Variants in TXNDC16 observed in about 807,000 individuals in gnomAD.
TXNDC16 encodes the protein thioredoxin domain-containing protein 16.
In TXNDC16, 74 loss-of-function variants were observed where a neutral mutation model predicts 85.6. The ratio of observed to expected loss-of-function variants is 0.86; its 90% CI spans 0.72 to 1.05. The LOEUF is 1.05. Ranked by LOEUF, TXNDC16 falls within the 50% of genes least tolerant of loss-of-function variation. The pLI, the probability that TXNDC16 is intolerant of heterozygous loss-of-function variation, is 0.00. For synonymous variants in TXNDC16, 335 were observed against 326.5 expected (o/e 1.03, Z -0.28); for missense variants, 959 against 947.0 (o/e 1.01, Z -0.17).
chr14:52,460,798 G>C (rs2035635333), intron 16 of TXNDC16, among the ~76,000 whole-genome samples: 1 of 152,100 alleles, frequency 6.6e-6, no homozygotes, highest in African/African-American at 2.4e-5. Flanking sequence ...TTTTTTGAGA[G>C]TTTATTCAAA....
chr14:52,488,392 T>TC lies in TXNDC16; in HGVS notation c.1078dup (p.Glu360GlyfsTer4). 6.2e-7 allele frequency: 1 copy of TC among 1,613,840 alleles called. No homozygotes were observed. Among genetic ancestry groups the TC allele is most frequent in the African/African-American group, 1.3e-5 (1 of 75,032 alleles). The stretch of plus-strand genomic sequence containing the variant: ...ATCTGGACCTTCCATGTCATTGTCT[T>TC]CATCTTCTTGTATTTCCTCAATGTG... On this transcript the variant is annotated frameshift_variant, in exon 12 of 21. Transcript: ENST00000281741. LOFTEE classifies it high-confidence loss of function.
At chr14:52,505,457 T>G (rs1004452338) in intron 9 of TXNDC16, among the ~76,000 whole-genome samples, 61 of 152,322 alleles carry the variant, frequency 4.0e-4, no homozygotes, top group African/African-American at 1.3e-3. Flanking sequence ...AACCTGCTGC[T>G]GAAGGAATAC....
chr14:52,507,860 A>G (rs2036850642), intron 9 of TXNDC16, among the ~76,000 whole-genome samples: 1 of 152,240 alleles, frequency 6.6e-6, no homozygotes, highest in African/African-American at 2.4e-5. Context: ...CTGGCTAGCC[A>G]TATGTAGAAA....
chr14:52,449,202 A>T (rs2035351654), intron 18 of TXNDC16, among the ~76,000 whole-genome samples: 2 of 152,046 alleles, frequency 1.3e-5, no homozygotes, highest in African/African-American at 4.8e-5. Flanking sequence ...GCCTAAAAGA[A>T]ACACACTTCA....
In TXNDC16 at chr14:52,543,694, T is replaced by A. The variant is rs1444494784; in HGVS notation, c.-73-64A>T. On this transcript the variant is annotated intron_variant, in intron 2 of 20. Transcript: ENST00000281741. ...GAATTTGTTAAATGAATGAATGAAG[T>A]AAAATCTACAAAAAGAAAGTCATTA... 5 of 968,430 alleles carry A rather than the reference T, an allele frequency of 5.2e-6. No homozygotes were observed. In the African/African-American group the frequency reaches 6.8e-5, roughly 13 times the overall value. 60.0% of individuals were successfully genotyped at this position (968,430 alleles called of 1,614,324 possible).
chr14:52,546,789 C>A (rs1000570130), intron 1 of TXNDC16, among the ~76,000 whole-genome samples: 1 of 152,178 alleles, frequency 6.6e-6, no homozygotes, highest in Non-Finnish European at 1.5e-5. Context: ...AGTGAGATGC[C>A]ACCTTAACGA....
chr14:52,455,414 G>A lies in TXNDC16; in HGVS notation c.1752C>T (p.His584=). The part of the protein sequence containing the change: ...ASLPALLLAR[H]TEGKIESIPL... The stretch of plus-strand genomic sequence containing the variant: ...GGATGCTCTCTATTTTGCCTTCTGT[G>A]TGTCTGGCAAGCAGCAGGGCTGGAA... Residue 584 remains histidine, a synonymous_variant, in exon 18 of 21, where the codon CAC becomes CAT. Transcript: ENST00000281741. The A allele has an allele frequency of 1.9e-6, 3 of 1,613,988 alleles. No individual in the cohort carries two copies. Among genetic ancestry groups the A allele is most frequent in the South Asian group, 1.1e-5 (1 of 91,068 alleles).
At position 52,488,484 on chromosome 14, in the gene TXNDC16, T is replaced by G. The variant is rs1297591086; in HGVS notation, c.987A>C (p.Gly329=). 1.9e-6 allele frequency: 3 copies of G among 1,583,162 alleles called. No individual in the cohort carries two copies. The highest frequency in any genetic ancestry group is 2.6e-6 in the Non-Finnish European group (3 of 1,159,658). The part of the protein sequence containing the change: ...ANVVFKRAEE[G]VPVEFLVLHD... ...GTAATACCAAAAATTCCACTGGAACTCCCTAGAAATACATTAATTTTTAAA... is the reference window on the plus strand; with the variant it reads ...GTAATACCAAAAATTCCACTGGAACGCCCTAGAAATACATTAATTTTTAAA... Residue 329 remains glycine, a splice_region_variant and synonymous_variant, in exon 12 of 21, where the codon GGA becomes GGC. Coordinates refer to ENST00000281741, the MANE Select transcript of TXNDC16 (RefSeq NM_020784.3).
At position 52,482,849 on chromosome 14, in the gene TXNDC16, C is replaced by A; in HGVS notation, c.1225G>T (p.Asp409Tyr). 4 of 1,611,844 alleles carry A rather than the reference C, an allele frequency of 2.5e-6. No homozygotes were observed. The highest frequency in any genetic ancestry group is 3.3e-4 in the Middle Eastern group (2 of 6,052). Residue 409 changes from aspartate to tyrosine, a missense_variant, in exon 13 of 21, where the codon GAC becomes TAC. Coordinates refer to ENST00000281741, the MANE Select transcript of TXNDC16 (RefSeq NM_020784.3). ...CCAGCATAGAAGAGTACTATGCTGT[C>A]AGAAGCCATCACTGTTGCATTAAAT... ...ETFNATVMAS[D>Y]SIVLFYAGWQ...
chr14:52,503,542 A>C (rs373953983), intron 9 of TXNDC16, among the ~76,000 whole-genome samples: 13 of 152,292 alleles, frequency 8.5e-5, no homozygotes, highest in South Asian at 4.1e-4. Context: ...CTAACAAACA[A>C]AAAGGACATC....
At chr14:52,507,598 A>T (rs1451612071) in intron 9 of TXNDC16, among the ~76,000 whole-genome samples, 1 of 152,230 alleles carries the variant, frequency 6.6e-6, no homozygotes, top group Admixed American at 6.5e-5. Flanking sequence ...AAGAGCCCAC[A>T]TTGCCAAGTC....
chr14:52,542,214 A>T (rs1341433943), intron 4 of TXNDC16, among the ~76,000 whole-genome samples, 157 bp downstream of exon 4: 3 of 152,182 alleles, frequency 2.0e-5, no homozygotes, highest in Non-Finnish European at 4.4e-5. Context: ...AATAACCTGA[A>T]ACTATCTTTC....
chr14:52,459,908 A>G (rs2035615844), intron 16 of TXNDC16, among the ~76,000 whole-genome samples: 1 of 152,130 alleles, frequency 6.6e-6, no homozygotes, highest in Non-Finnish European at 1.5e-5. Context: ...GAAGAAACAC[A>G]CCTCAATAAG....
intron 9 of TXNDC16, among the ~76,000 whole-genome samples, chr14:52,505,948 T>C (rs1315554870): frequency 4.6e-5 from 7 of 152,196 alleles, no homozygotes. Context: ...TAAACACCTC[T>C]ACACAAATAA....
chr14:52,489,597 T>G (rs2036354574), intron 11 of TXNDC16, among the ~76,000 whole-genome samples: 1 of 152,202 alleles, frequency 6.6e-6, no homozygotes, highest in Non-Finnish European at 1.5e-5. Context: ...TCACAGAAAT[T>G]TTTGTAGTAA....
chr14:52,544,862 G>T (rs1161613336), intron 1 of TXNDC16, among the ~76,000 whole-genome samples: 1 of 151,892 alleles, frequency 6.6e-6, no homozygotes, highest in Non-Finnish European at 1.5e-5. Context: ...ACTATAAGAG[G>T]TATATAAAAA....
Position 52,551,163 on chromosome 14 carries a change from C to T in TXNDC16, c.-182+1153G>A, listed in dbSNP as rs74649044. ...CTCAAACCACACTAGCATCTGGTAC[C>T]TGGACAAACGACTGTCCCAGAATCT... On this transcript the variant is annotated intron_variant, in intron 1 of 20. Coordinates refer to ENST00000281741, the MANE Select transcript of TXNDC16 (RefSeq NM_020784.3). 3.5e-3 allele frequency among the ~76,000 whole-genome samples: 537 copies of T among 152,210 alleles called. 2 individuals carry two copies. Among genetic ancestry groups the T allele is most frequent in the African/African-American group, 0.013 (523 of 41,518 alleles).
chr14:52,456,585 TTAA>T (rs1375215819), intron 17 of TXNDC16, among the ~76,000 whole-genome samples: 6 of 152,154 alleles, frequency 3.9e-5, no homozygotes, highest in Admixed American at 6.5e-5. Context: ...GTGATATGTA[TTAA>T]TAATAATCTC....
intron 6 of TXNDC16, among the ~76,000 whole-genome samples, chr14:52,529,867 G>A (rs1157804292): frequency 2.0e-5 from 2 of 98,740 alleles, no homozygotes; most frequent in Non-Finnish European, 1.8e-5. Context: ...TATATAATAT[G>A]ATACCTATTA....
Sources: gnomAD v4.1 joint callset for allele counts (sites outside exome capture counted in the v4.1 genomes callset) on GRCh38, gnomAD v4.1.1 for gene constraint, MANE v1.5 for transcripts, NCBI Gene and HGNC (gene_info 2026-07-23, HGNC 2026-07-21) for gene names.